The following NOMO1 variants were observed in gnomAD, a reference collection of about 807,000 sequenced individuals.
NOMO1 encodes nodal modulator 3.
A neutral mutation model predicts 133.8 loss-of-function variants in NOMO1; 40 were observed. The ratio of observed to expected loss-of-function variants is 0.30; its 90% CI spans 0.23 to 0.39. The LOEUF (loss-of-function observed/expected upper bound fraction) is 0.39. NOMO1 is among the 10% of genes least tolerant of loss of function. NOMO1 has a pLI of 1.00. For missense variants in NOMO1, 462 were observed against 1,419.9 expected, an observed-to-expected ratio of 0.33 and a Z score of 10.84; for synonymous variants, 236 against 570.5, an observed-to-expected ratio of 0.41 and a Z score of 8.36.
intron 29 of NOMO1, among the ~76,000 whole-genome samples, 159 bp downstream of exon 29, chr16:14,889,374 A>G (rs1237778933): frequency 6.6e-6 from 1 of 152,056 alleles, no homozygotes; most frequent in Non-Finnish European, 1.5e-5. Context: ...TCTACAAAAA[A>G]TACAAAAATT....
In NOMO1 at chr16:14,833,763, G is replaced by T. The variant is rs1963459699; in HGVS notation, c.-89G>T. On this transcript the variant is annotated 5_prime_UTR_variant, in exon 1 of 31. Transcript: ENST00000287667. ...TGGGGCGGGGCCTGGGCTGTCAGCC[G>T]GCCTAGGAGGAGGAAGGAGCCTGCG... is the stretch of plus-strand genomic sequence containing the variant. The T allele has an allele frequency of 5.6e-6, 4 of 711,434 alleles. No individual in the cohort carries two copies. Among genetic ancestry groups the T allele is most frequent in the Non-Finnish European group, 6.0e-6 (3 of 500,418 alleles). 44.1% of individuals were successfully genotyped at this position (711,434 alleles called of 1,614,324 possible).
intron 3 of NOMO1, among the ~76,000 whole-genome samples, chr16:14,842,752 T>G (rs1963624915): frequency 6.6e-6 from 1 of 151,318 alleles, no homozygotes; most frequent in Non-Finnish European, 1.5e-5. Context: ...TTTGGTCTGT[T>G]TTGAACTTTA....
At chr16:14,882,978 A>T (rs1017287223) in intron 26 of NOMO1, among the ~76,000 whole-genome samples, 3 of 152,112 alleles carry the variant, frequency 2.0e-5, no homozygotes, top group Non-Finnish European at 4.4e-5. Flanking sequence ...GCAGCATTTC[A>T]AATCAAGGGA....
chr16:14,862,033 C>T (rs1001166999), intron 11 of NOMO1, among the ~76,000 whole-genome samples: 3 of 151,592 alleles, frequency 2.0e-5, no homozygotes, highest in African/African-American at 7.3e-5. Context: ...ATTTCACATA[C>T]ACAATCTTCC....
intron 9 of NOMO1, among the ~76,000 whole-genome samples, chr16:14,855,636 C>A (rs1179779249): frequency 6.6e-6 from 1 of 151,988 alleles, no homozygotes; most frequent in Admixed American, 6.5e-5. Context: ...GAAGATGAAG[C>A]CTTTACTTTG....
chr16:14,859,737 A>G (rs1212695224), intron 11 of NOMO1, among the ~76,000 whole-genome samples: 1 of 152,144 alleles, frequency 6.6e-6, no homozygotes, highest in Admixed American at 6.5e-5. Flanking sequence ...AAATAACAAG[A>G]TTTTAAAAAA....
rs1443464799 is a variant in NOMO1, at chr16:14,860,347, G to A, written c.1221-2666G>A. ...TGCACCATTGCACTCCAGCCTGGGCGACAGGGTGAGATTCCGTCTCAAAAA... is the reference window on the plus strand; with the variant it reads ...TGCACCATTGCACTCCAGCCTGGGCAACAGGGTGAGATTCCGTCTCAAAAA... On this transcript the variant is annotated intron_variant, in intron 11 of 30. Transcript: ENST00000287667. Among the ~76,000 whole-genome samples, 4 of 150,156 alleles carry A rather than the reference G, an allele frequency of 2.7e-5. No individual in the cohort carries two copies. The South Asian group carries it at 6.3e-4, about 24-fold the overall frequency.
intron 27 of NOMO1, 107 bp downstream of exon 27, chr16:14,884,589 A>T: frequency 6.4e-7 from 1 of 1,554,112 alleles, no homozygotes; most frequent in Non-Finnish European, 8.8e-7. Flanking sequence ...TAGGTGTGAC[A>T]GGTGGAGGTG....
intron 5 of NOMO1, among the ~76,000 whole-genome samples, chr16:14,847,383 AG>A (rs1443446412): frequency 2.2e-5 from 1 of 45,668 alleles, no homozygotes; most frequent in African/African-American, 9.1e-5. Flanking sequence ...ACCTAGGGCA[AG>A]TTCCTTAACC....
At chr16:14,874,925 T>G (rs571647719) in intron 18 of NOMO1, 111 bp from the exon 19 acceptor site, 20,356 of 838,358 alleles carry the variant, frequency 0.024, 395 homozygotes, top group African/African-American at 0.066. Flanking sequence ...CACTGTGGTG[T>G]CATGATAAGA....
At chr16:14,892,663 G>A (rs1239530395) in intron 29 of NOMO1, among the ~76,000 whole-genome samples, 1 of 149,824 alleles carries the variant, frequency 6.7e-6, no homozygotes, top group African/African-American at 2.5e-5. Context: ...CCCGAGCAGG[G>A]CCAAGTGTTG....
Position 14,869,001 on chromosome 16 carries a change from T to C in NOMO1, c.1894+366T>C, listed in dbSNP as rs71378243. Among the ~76,000 whole-genome samples, 107 of 151,336 alleles carry C rather than the reference T, an allele frequency of 7.1e-4. No homozygotes were observed. The South Asian group carries it at 0.011, about 15-fold the overall frequency. On this transcript the variant is annotated intron_variant, in intron 16 of 30. Transcript: ENST00000287667. ...TCACCCAGGCTGGAGTGTAGTGGCT[T>C]GATCTTGGCTCACTGCAGCCTCCGC...
intron 17 of NOMO1, 137 bp from the exon 18 acceptor site, chr16:14,872,094 ATCT>A: frequency 1.2e-6 from 1 of 868,108 alleles, no homozygotes; most frequent in South Asian, 1.4e-5. Context: ...ACTTCTCTGG[ATCT>A]CCAGAGTTAT....
At chr16:14,885,581 T>C (rs537993936) in intron 27 of NOMO1, among the ~76,000 whole-genome samples, 80 of 150,972 alleles carry the variant, frequency 5.3e-4, no homozygotes, top group Non-Finnish European at 9.3e-4. Flanking sequence ...TGCGCTTTAG[T>C]CCACTCTGTT....
chr16:14,856,343 A>G (rs772969303), intron 9 of NOMO1, among the ~76,000 whole-genome samples: 2 of 152,046 alleles, frequency 1.3e-5, no homozygotes, highest in Non-Finnish European at 2.9e-5. Flanking sequence ...CGAGTGGGGC[A>G]CAGACACAGA....
chr16:14,859,215 G>T (rs1443665496), intron 11 of NOMO1, among the ~76,000 whole-genome samples: 6 of 151,796 alleles, frequency 4.0e-5, no homozygotes, highest in Admixed American at 6.6e-5. Flanking sequence ...GCCCAACAGG[G>T]AGGTGCAGGG....
chr16:14,884,015 T>C (rs1964283587), intron 26 of NOMO1, among the ~76,000 whole-genome samples: 1 of 146,932 alleles, frequency 6.8e-6, no homozygotes, highest in African/African-American at 2.5e-5. Context: ...AATGTGTCTA[T>C]GGGCCAGGGA....
At chr16:14,884,874 G>T (rs1964299388) in intron 27 of NOMO1, among the ~76,000 whole-genome samples, 1 of 152,026 alleles carries the variant, frequency 6.6e-6, no homozygotes, top group African/African-American at 2.4e-5. Context: ...TCTTGCATTG[G>T]TTTAAAGAAA....
At chr16:14,866,790 T>G (rs558882834) in intron 15 of NOMO1, 99 bp downstream of exon 15, 18 of 1,600,386 alleles carry the variant, frequency 1.1e-5, no homozygotes, top group African/African-American at 1.0e-4. Context: ...GTAGGCAAGT[T>G]AGATTTCCTT....
Sources: gnomAD v4.1 joint callset for allele counts (sites outside exome capture counted in the v4.1 genomes callset) on GRCh38, gnomAD v4.1.1 for gene constraint, MANE v1.5 for transcripts, NCBI Gene and HGNC (gene_info 2026-07-23, HGNC 2026-07-21) for gene names.